GMEB1: variants seen among roughly 807,000 people sequenced by gnomAD.
GMEB1 encodes the protein glucocorticoid modulatory element binding protein 1.
Under a neutral mutation model 52.4 loss-of-function variants are expected in GMEB1, and 6 were observed. The observed-to-expected ratio is 0.11, with a 90% confidence interval of 0.06 to 0.23. The LOEUF (loss-of-function observed/expected upper bound fraction) is 0.23. Ranked by LOEUF, GMEB1 falls within the 10% of genes least tolerant of loss-of-function variation. The probability of loss-of-function intolerance (pLI) is 1.00; values close to 1 mark genes in which losing one functional copy is unlikely to be tolerated. For missense variants in GMEB1, 486 were observed against 685.6 expected (o/e 0.71, Z 3.25); for synonymous variants, 255 against 244.9 (o/e 1.04, Z -0.38).
intron 1 of GMEB1, among the ~76,000 whole-genome samples, chr1:28,679,004 G>T (rs557760492): frequency 6.6e-6 from 1 of 152,132 alleles, no homozygotes; most frequent in Admixed American, 6.6e-5. Flanking sequence ...TCTGCCTCCC[G>T]GGTTCAAGCA....
At chr1:28,683,209 ACTTCTTTTCTTTT>A (rs1441543174) in intron 1 of GMEB1, among the ~76,000 whole-genome samples, 10 of 149,212 alleles carry the variant, frequency 6.7e-5, no homozygotes, top group Admixed American at 3.3e-4. Flanking sequence ...CATATGGTTG[ACTTCTTTTCTTTT>A]CTTCTTTTCT....
rs1405237958 is a variant in GMEB1, at chr1:28,717,906, A to T, written c.*3133A>T. 1 of 152,164 alleles carries T rather than the reference A, an allele frequency of 6.6e-6. No individual in the cohort carries two copies. Among genetic ancestry groups the T allele is most frequent in the Non-Finnish European group, 1.5e-5 (1 of 68,036 alleles). 9.4% of individuals were successfully genotyped at this position (152,164 alleles called of 1,614,324 possible). A position where few individuals can be genotyped will look rare whatever the true frequency, so the allele number is the denominator to read the frequency against. On this transcript the variant is annotated 3_prime_UTR_variant, in exon 10 of 10. Coordinates refer to ENST00000373816, the MANE Select transcript of GMEB1 (RefSeq NM_001319674.2). The stretch of plus-strand genomic sequence containing the variant: ...AGGGTTTTAAGGTCGTGTGTGCATC[A>T]TGCTTCCAATGTCAAGAGATTTCCT...
intron 5 of GMEB1, among the ~76,000 whole-genome samples, chr1:28,694,674 GT>G (rs963376728): frequency 4.1e-4 from 59 of 144,654 alleles, no homozygotes; most frequent in African/African-American, 4.5e-4. Context: ...CTTAACATAG[GT>G]TTTTTTTTTT....
intron 5 of GMEB1, among the ~76,000 whole-genome samples, chr1:28,694,960 C>T (rs1017946436): frequency 6.9e-6 from 1 of 143,900 alleles, no homozygotes; most frequent in Non-Finnish European, 1.5e-5. Flanking sequence ...CCGTGGCCAG[C>T]CTTTTTTTTT....
chr1:28,699,534 A>G lies in GMEB1; in HGVS notation c.598+2450A>G, dbSNP rs563569569. 1.9e-4 allele frequency among the ~76,000 whole-genome samples: 29 copies of G among 151,918 alleles called. 1 individual carries two copies. The South Asian group carries it at 6.0e-3, about 32-fold the overall frequency. On this transcript the variant is annotated intron_variant, in intron 6 of 9. Coordinates refer to ENST00000373816, the MANE Select transcript of GMEB1 (RefSeq NM_001319674.2). ...AACCTCCCCCTCCCGGGTTCAAGCAATTCTCCTGCCTCAGCCTCCCGTGTA... is the reference window on the plus strand; with the variant it reads ...AACCTCCCCCTCCCGGGTTCAAGCAGTTCTCCTGCCTCAGCCTCCCGTGTA...
At chr1:28,677,769 G>A (rs919524956) in intron 1 of GMEB1, among the ~76,000 whole-genome samples, 2 of 152,070 alleles carry the variant, frequency 1.3e-5, no homozygotes, top group East Asian at 1.9e-4. Context: ...TTCTAGACTC[G>A]AGGGTCTTAA....
chr1:28,714,673 T>A lies in GMEB1; in HGVS notation c.1592T>A (p.Ile531Asn). The A allele has an allele frequency of 6.2e-7, 1 of 1,614,122 alleles. No individual in the cohort carries two copies. Among genetic ancestry groups the A allele is most frequent in the Non-Finnish European group, 8.5e-7 (1 of 1,180,016 alleles). ...GAAGATACTGAGGGCAAAGCAGTCA[T>A]CTTGGAGACAGAGCTGAGGACTGAG... ...EAEDTEGKAVILETELRTEEK... is the reference protein window; with the variant it reads ...EAEDTEGKAVNLETELRTEEK... The change falls in exon 10 of 10, where the codon ATC becomes AAC. Residue 531 changes from isoleucine (I) to asparagine (N), a missense_variant. This residue lies in a region of GMEB1 where 153 missense variants were observed against 200.8 expected (regional missense o/e 0.76). Coordinates refer to ENST00000373816, the MANE Select transcript of GMEB1 (RefSeq NM_001319674.2).
chr1:28,670,318 A>G (rs1668826471), intron 1 of GMEB1, among the ~76,000 whole-genome samples: 1 of 151,406 alleles, frequency 6.6e-6, no homozygotes, highest in African/African-American at 2.4e-5. Context: ...ACACCAGCCA[A>G]TTTTGTTGTT....
At position 28,704,236 on chromosome 1, in the gene GMEB1, A is replaced by T; in HGVS notation, c.775A>T (p.Met259Leu). ...GAAAGGAATAGCTGATGTAGGGCTG[A>T]TGGAAGAGGTTGTCTGCAATATACA... ...FWKGIADVGL[M>L]EEVVCNIQKE... is the part of the protein sequence containing the mutation. Residue 259 changes from methionine to leucine, a missense_variant, in exon 8 of 10, where the codon ATG becomes TTG. This residue lies in a region of GMEB1 where 200 missense variants were observed against 253.5 expected (regional missense o/e 0.79). Coordinates refer to ENST00000373816, the MANE Select transcript of GMEB1 (RefSeq NM_001319674.2). 6.2e-7 allele frequency: 1 copy of T among 1,613,682 alleles called. No individual in the cohort carries two copies. The highest frequency in any genetic ancestry group is 8.5e-7 in the Non-Finnish European group (1 of 1,179,772).
chr1:28,697,994 G>C (rs1016047388), intron 6 of GMEB1, among the ~76,000 whole-genome samples: 1 of 152,038 alleles, frequency 6.6e-6, no homozygotes, highest in Admixed American at 6.6e-5. Flanking sequence ...AAAAAAATTA[G>C]CCAGGTGTGG....
At chr1:28,679,397 C>T (rs1669296786) in intron 1 of GMEB1, among the ~76,000 whole-genome samples, 2 of 151,978 alleles carry the variant, frequency 1.3e-5, no homozygotes, top group East Asian at 1.9e-4. Flanking sequence ...AAGGTGGTCT[C>T]GAACTCCTGA....
At position 28,690,189 on chromosome 1, in the gene GMEB1, A is replaced by T; in HGVS notation, c.211+3A>T. On this transcript the variant is annotated splice_donor_region_variant and intron_variant, in intron 3 of 9. Transcript: ENST00000373816. ...ACACAAAATTGAAGAAGGGATTGGT[A>T]AGGGTTTTTTTGTGTTTTTTTTTTT... The T allele has an allele frequency of 1.6e-6, 2 of 1,231,482 alleles. No homozygotes were observed. The highest frequency in any genetic ancestry group is 2.3e-6 in the Non-Finnish European group (2 of 866,412). The allele number at this position is 1,231,482 out of a possible 1,614,324, so 76.3% of individuals were successfully genotyped here.
At chr1:28,668,239 C>G (rs904337504), upstream of GMEB1, among the ~76,000 whole-genome samples, 4 of 147,192 alleles carry the variant, frequency 2.7e-5, no homozygotes, top group African/African-American at 9.9e-5. Flanking sequence ...GTTTACACTT[C>G]CAGCAGGGGA....
rs555240562 is a variant in GMEB1, at chr1:28,713,084, G to C, written c.992-989G>C. 2.0e-5 allele frequency among the ~76,000 whole-genome samples: 3 copies of C among 151,212 alleles called. No homozygotes were observed. The South Asian group carries it at 6.3e-4, about 32-fold the overall frequency. On this transcript the variant is annotated intron_variant, in intron 9 of 9. Transcript: ENST00000373816. ...GAGGCAGGAGAATGGTGTGAACCCAGGAGGCAGAGCTTGCAGTGAGCCGAG... is the reference window on the plus strand; with the variant it reads ...GAGGCAGGAGAATGGTGTGAACCCACGAGGCAGAGCTTGCAGTGAGCCGAG...
chr1:28,692,331 A>G (rs1670005198), intron 4 of GMEB1, among the ~76,000 whole-genome samples: 1 of 152,130 alleles, frequency 6.6e-6, no homozygotes. Flanking sequence ...CAGGAGGTAG[A>G]GACCAGCCTG....
intron 6 of GMEB1, 143 bp from the exon 7 acceptor site, chr1:28,702,295 C>A: frequency 1.9e-6 from 1 of 534,820 alleles, no homozygotes. Flanking sequence ...ACCTAAGAGT[C>A]TAGTTTTTAA....
intron 9 of GMEB1, 101 bp from the exon 10 acceptor site, chr1:28,713,972 A>C: frequency 2.4e-6 from 2 of 825,560 alleles, no homozygotes; most frequent in Non-Finnish European, 3.9e-6. Context: ...GAAGCTACTT[A>C]GTAACAAAAC....
At position 28,683,694 on chromosome 1, in the gene GMEB1, G is replaced by T. The variant is rs781425414; in HGVS notation, c.82G>T (p.Asp28Tyr). 1 of 1,612,104 alleles carries T rather than the reference G, an allele frequency of 6.2e-7. No homozygotes were observed. The highest frequency in any genetic ancestry group is 1.3e-5 in the African/African-American group (1 of 74,792). ...TEGNEGENPE[D>Y]TKTQVILQLQ... The stretch of plus-strand genomic sequence containing the variant: ...AGGAAATGAAGGGGAGAATCCTGAA[G>T]ACACTAAAACCCAAGTGATTTTGCA... The change falls in exon 2 of 10, where the codon GAC becomes TAC. Residue 28 changes from aspartate to tyrosine, a missense_variant. Transcript: ENST00000373816.
intron 2 of GMEB1, chr1:28,689,616 G>C (rs1035603316): frequency 6.6e-6 from 1 of 152,348 alleles, no homozygotes; most frequent in East Asian, 1.9e-4. Context: ...GTGACAGAGC[G>C]AGACTCTATG....
Sources: allele counts gnomAD v4.1 joint callset (sites outside exome capture counted in the v4.1 genomes callset), GRCh38; gene constraint gnomAD v4.1.1; regional missense constraint gnomAD v4.1.1; transcripts MANE v1.5; gene names NCBI Gene and HGNC (gene_info 2026-07-23, HGNC 2026-07-21).